ZCCHC4: variants seen among roughly 807,000 people sequenced by gnomAD.
ZCCHC4 encodes the protein zinc finger CCHC-type containing 4.
Under a neutral mutation model 67.7 loss-of-function variants are expected in ZCCHC4, and 54 were observed. The ratio of observed to expected loss-of-function variants is 0.80; its 90% CI spans 0.64 to 1.00. ZCCHC4 has a LOEUF of 1.00. ZCCHC4 is among the 50% of genes least tolerant of loss of function. The pLI is 0.00. For missense variants in ZCCHC4, 609 were observed against 617.0 expected, an observed-to-expected ratio of 0.99 and a Z score of 0.14; for synonymous variants, 198 against 213.5, an observed-to-expected ratio of 0.93 and a Z score of 0.63.
At chr4:25,357,430 AGT>A (rs1026499509) in intron 8 of ZCCHC4, among the ~76,000 whole-genome samples, 74 of 152,322 alleles carry the variant, frequency 4.9e-4, no homozygotes, top group African/African-American at 1.7e-3. Flanking sequence ...GCTTTTACAC[AGT>A]TATGCTGGAC....
intron 6 of ZCCHC4, among the ~76,000 whole-genome samples, chr4:25,349,261 T>C (rs1720171046): frequency 1.3e-5 from 2 of 152,232 alleles, no homozygotes; most frequent in Non-Finnish European, 2.9e-5. Flanking sequence ...CTGATAGTGA[T>C]GGTGTTTGAA....
At chr4:25,344,594 C>A in intron 5 of ZCCHC4, among the ~76,000 whole-genome samples, 1 of 149,942 alleles carries the variant, frequency 6.7e-6, no homozygotes. Flanking sequence ...CACATGTACC[C>A]TAAAACTTAA....
At chr4:25,366,401 C>T (rs181382460) in intron 12 of ZCCHC4, 7 of 467,404 alleles carry the variant, frequency 1.5e-5, no homozygotes, top group African/African-American at 4.3e-5. Context: ...CTGTAAGCTC[C>T]GCCTCCCGGG....
intron 5 of ZCCHC4, among the ~76,000 whole-genome samples, chr4:25,345,185 C>T (rs1049861384): frequency 7.2e-5 from 11 of 152,122 alleles, no homozygotes; most frequent in African/African-American, 2.4e-4. Context: ...TTAGTATTCT[C>T]CTTAAAATTA....
chr4:25,338,929 G>A (rs1232049877), intron 5 of ZCCHC4, among the ~76,000 whole-genome samples: 5 of 152,108 alleles, frequency 3.3e-5, no homozygotes, highest in Admixed American at 1.3e-4. Context: ...TAGGGCTGCC[G>A]TAACAAAATA....
intron 2 of ZCCHC4, among the ~76,000 whole-genome samples, chr4:25,315,111 T>C (rs1169777167): frequency 6.6e-6 from 1 of 152,218 alleles, no homozygotes; most frequent in South Asian, 2.1e-4. Flanking sequence ...AGTGAACATA[T>C]GTTAATCTCT....
intron 12 of ZCCHC4, among the ~76,000 whole-genome samples, chr4:25,366,986 A>T (rs1720976340): frequency 6.6e-6 from 1 of 152,182 alleles, no homozygotes; most frequent in African/African-American, 2.4e-5. Flanking sequence ...CTCAGAGAAG[A>T]CACCTAAACT....
At position 25,333,421 on chromosome 4, in the gene ZCCHC4, C is replaced by T. The variant is rs1453137225; in HGVS notation, c.568C>T (p.Leu190Phe). The change falls in exon 4 of 13, where the codon CTC (leucine) becomes TTC (phenylalanine). Residue 190 changes from leucine to phenylalanine, a missense_variant. Transcript: ENST00000302874. ...CQFLVDLLSA[L>F]GFRRVLCVGT... Reference sequence around the variant, plus strand: ...GTTCTTGGTAGACTTACTTTCTGCCCTCGGATTCAGAAGAGTACTGTGTGT... The same window carrying T: ...GTTCTTGGTAGACTTACTTTCTGCCTTCGGATTCAGAAGAGTACTGTGTGT... 1 of 1,614,008 alleles carries T rather than the reference C, an allele frequency of 6.2e-7. No homozygotes were observed. Among genetic ancestry groups the T allele is most frequent in the Admixed American group, 1.7e-5 (1 of 59,992 alleles).
chr4:25,335,472 G>A (rs899406352), intron 5 of ZCCHC4, among the ~76,000 whole-genome samples: 2 of 151,938 alleles, frequency 1.3e-5, no homozygotes, highest in African/African-American at 2.4e-5. Context: ...TCATAAAAGT[G>A]TAGCCTGGCC....
Position 25,369,526 on chromosome 4 carries a change from C to T in ZCCHC4, c.*362C>T, listed in dbSNP as rs561532009. 1.2e-4 allele frequency: 22 copies of T among 184,628 alleles called. No homozygotes were observed. The South Asian group carries it at 2.0e-3, about 17-fold the overall frequency. 11.4% of individuals were successfully genotyped at this position (184,628 alleles called of 1,614,324 possible). A position where few individuals can be genotyped will look rare whatever the true frequency, so the allele number is the denominator to read the frequency against. On this transcript the variant is annotated 3_prime_UTR_variant, in exon 13 of 13. Transcript: ENST00000302874. ...TCAGCTCACTGCAACCTCTGCCTCC[C>T]GGGTTCAAGCAATTCTCCTGCCTTA...
chr4:25,365,671 A>G (rs2109095843), intron 12 of ZCCHC4: 1 of 984,840 alleles, frequency 1.0e-6, no homozygotes, highest in African/African-American at 1.7e-5. Context: ...AAATATTTGA[A>G]ATTTTTATTA....
chr4:25,370,257 T>A lies in ZCCHC4; in HGVS notation c.*1093T>A, dbSNP rs1308212596. The A allele has an allele frequency of 1.3e-5, 2 of 152,224 alleles. No individual in the cohort carries two copies. Among genetic ancestry groups the A allele is most frequent in the African/African-American group, 4.8e-5 (2 of 41,462 alleles). 9.4% of individuals were successfully genotyped at this position (152,224 alleles called of 1,614,324 possible). On this transcript the variant is annotated 3_prime_UTR_variant, in exon 13 of 13. Transcript: ENST00000302874. ...CCTCATTCCTACCCTTAATATTTCC[T>A]GGCTGTATGATCTTGGCCAGGTCAC...
At chr4:25,332,686 T>C (rs1371184802) in intron 3 of ZCCHC4, among the ~76,000 whole-genome samples, 1 of 152,228 alleles carries the variant, frequency 6.6e-6, no homozygotes, top group African/African-American at 2.4e-5. Context: ...CCATCAGTAC[T>C]GCTAAGAACA....
chr4:25,350,993 G>C (rs1720273421), intron 7 of ZCCHC4, among the ~76,000 whole-genome samples: 1 of 152,192 alleles, frequency 6.6e-6, no homozygotes, highest in Non-Finnish European at 1.5e-5. Context: ...GATTAGGCTT[G>C]CCTCTGATTA....
At chr4:25,365,252 C>G in intron 12 of ZCCHC4, 86 bp downstream of exon 12, 1 of 1,554,716 alleles carries the variant, frequency 6.4e-7, no homozygotes, top group Non-Finnish European at 8.7e-7. Flanking sequence ...TTCAGAGGAT[C>G]TTGAAGTGCC....
At chr4:25,362,377 T>G in intron 10 of ZCCHC4, 76 bp downstream of exon 10, 1 of 965,918 alleles carries the variant, frequency 1.0e-6, no homozygotes, top group South Asian at 2.2e-5. Context: ...TATTACTTTT[T>G]CAATGTTATT....
chr4:25,351,766 A>C (rs1388379582), intron 8 of ZCCHC4, 77 bp downstream of exon 8: 1 of 1,303,106 alleles, frequency 7.7e-7, no homozygotes, highest in East Asian at 2.4e-5. Flanking sequence ...CTATTCATTG[A>C]TTTTAGTAAA....
Position 25,362,246 on chromosome 4 carries a change from G to T in ZCCHC4, c.1154G>T (p.Arg385Leu), listed in dbSNP as rs368674649. 6.2e-7 allele frequency: 1 copy of T among 1,611,004 alleles called. No individual in the cohort carries two copies. The change falls in exon 10 of 13, where the codon CGG (arginine) becomes CTG (leucine). Residue 385 changes from arginine to leucine, a missense_variant. Physicochemically the swap from Arg to Leu is moderately radical, Grantham distance 102. Coordinates refer to ENST00000302874, the MANE Select transcript of ZCCHC4 (RefSeq NM_024936.3). ...TCTAGATTTTGCTCTCCGTGTCAAC[G>T]GTATGTTTCTCTAGAGAATCAACAC... is the stretch of plus-strand genomic sequence containing the variant. ...EGYRFCSPCQRYVSLENQHCE... is the reference protein window; with the variant it reads ...EGYRFCSPCQLYVSLENQHCE...
chr4:25,333,126 T>A (rs983768322), intron 3 of ZCCHC4, 57 bp from the exon 4 acceptor site: 13 of 1,539,300 alleles, frequency 8.4e-6, no homozygotes, highest in Non-Finnish European at 1.1e-5. Flanking sequence ...CAAAACACAT[T>A]GTGTTTACAA....
Sources: gnomAD v4.1 joint callset for allele counts (sites outside exome capture counted in the v4.1 genomes callset) on GRCh38, gnomAD v4.1.1 for gene constraint, MANE v1.5 for transcripts, NCBI Gene and HGNC (gene_info 2026-07-23, HGNC 2026-07-21) for gene names.